The following GRM7 variants were observed in gnomAD, a reference collection of about 807,000 sequenced individuals.
GRM7 encodes the protein glutamate metabotropic receptor 7.
In GRM7, 35 loss-of-function variants were observed where a neutral mutation model predicts 84.5. That is an observed-to-expected ratio of 0.41 (90% confidence interval 0.32 to 0.55). The LOEUF (loss-of-function observed/expected upper bound fraction) is 0.55, where lower values mean the gene tolerates loss of function less well. GRM7 is among the 20% of genes least tolerant of loss of function. The pLI, the probability that GRM7 is intolerant of heterozygous loss-of-function variation, is 0.19. For synonymous variants in GRM7, 487 were observed against 455.1 expected, an observed-to-expected ratio of 1.07 and a Z score of -0.89; for missense variants, 1,003 against 1,194.6, an observed-to-expected ratio of 0.84 and a Z score of 2.36.
chr3:7,163,071 T>A (rs1161306239), intron 2 of GRM7, among the ~76,000 whole-genome samples: 2 of 151,990 alleles, frequency 1.3e-5, no homozygotes, highest in South Asian at 2.1e-4. Context: ...ACTCTTCTAG[T>A]TTTTTCTACT....
At chr3:7,038,332 C>G (rs1696458080) in intron 1 of GRM7, among the ~76,000 whole-genome samples, 1 of 152,160 alleles carries the variant, frequency 6.6e-6, no homozygotes, top group African/African-American at 2.4e-5. Flanking sequence ...TCTTAAGAAT[C>G]AGGATTCTTG....
At chr3:7,283,225 G>C (rs1435754957) in intron 2 of GRM7, among the ~76,000 whole-genome samples, 4 of 152,150 alleles carry the variant, frequency 2.6e-5, no homozygotes, top group Non-Finnish European at 5.9e-5. Context: ...GTGTGACTCA[G>C]AGAGAAAGGT....
At chr3:7,609,842 C>CT (rs1217110464) in intron 8 of GRM7, among the ~76,000 whole-genome samples, 2 of 152,066 alleles carry the variant, frequency 1.3e-5, no homozygotes, top group Admixed American at 1.3e-4. Flanking sequence ...ACAACCACTC[C>CT]TTTAAAGAAG....
Position 7,645,878 on chromosome 3 carries a change from C to A in GRM7, c.2452-34171C>A, listed in dbSNP as rs143461984. Among the ~76,000 whole-genome samples, 82 of 152,334 alleles carry A rather than the reference C, an allele frequency of 5.4e-4. 1 individual carries two copies. The highest frequency in any genetic ancestry group is 2.7e-3 in the East Asian group (14 of 5,172). On this transcript the variant is annotated intron_variant, in intron 8 of 9. Transcript: ENST00000357716. ...CTCCTGGGAGTACACTGAGACAGAA[C>A]TTATCACACCCAGTCCTTGCATAAA...
At chr3:7,593,290 C>A (rs1275466451) in intron 8 of GRM7, among the ~76,000 whole-genome samples, 1 of 152,022 alleles carries the variant, frequency 6.6e-6, no homozygotes, top group Non-Finnish European at 1.5e-5. Context: ...ATCCAGTTTG[C>A]GGGGTTTTGG....
chr3:7,497,513 T>C (rs1292662509), intron 7 of GRM7, among the ~76,000 whole-genome samples: 1 of 152,192 alleles, frequency 6.6e-6, no homozygotes, highest in African/African-American at 2.4e-5. Flanking sequence ...GATTTATTTA[T>C]TTTTTCTCTC....
intron 8 of GRM7, chr3:7,636,131 C>A (rs750361666): frequency 1.2e-4 from 52 of 424,410 alleles, no homozygotes; most frequent in Non-Finnish European, 2.3e-4. Context: ...AGAGGTTGTT[C>A]ATTTTGATGC....
chr3:7,062,334 G>T (rs1697459723), intron 1 of GRM7, among the ~76,000 whole-genome samples: 1 of 151,582 alleles, frequency 6.6e-6, no homozygotes, highest in Non-Finnish European at 1.5e-5. Context: ...CAATCGTAGT[G>T]TGTGGAACTG....
intron 6 of GRM7, among the ~76,000 whole-genome samples, chr3:7,453,392 C>A (rs578188899): frequency 6.6e-6 from 1 of 152,208 alleles, no homozygotes; most frequent in African/African-American, 2.4e-5. Context: ...GTGGCAAACC[C>A]TAGGTTGTTT....
chr3:7,220,688 T>C (rs1284825939), intron 2 of GRM7, among the ~76,000 whole-genome samples: 1 of 152,238 alleles, frequency 6.6e-6, no homozygotes, highest in Non-Finnish European at 1.5e-5. Context: ...AAGTGCTGCA[T>C]ATTAATTAAT....
At chr3:7,368,366 C>G (rs929551000) in intron 4 of GRM7, among the ~76,000 whole-genome samples, 1 of 152,024 alleles carries the variant, frequency 6.6e-6, no homozygotes, top group Non-Finnish European at 1.5e-5. Context: ...ATTTAAATGT[C>G]AAGTTTATTT....
chr3:7,179,884 A>G (rs1695280193), intron 2 of GRM7, among the ~76,000 whole-genome samples: 1 of 152,196 alleles, frequency 6.6e-6, no homozygotes, highest in African/African-American at 2.4e-5. Context: ...AATTTTACAC[A>G]AAAGTGAAAG....
chr3:7,618,005 A>C (rs1697182495), intron 8 of GRM7, among the ~76,000 whole-genome samples: 1 of 152,132 alleles, frequency 6.6e-6, no homozygotes, highest in South Asian at 2.1e-4. Flanking sequence ...TGTGCCTTAG[A>C]GTTTTCATAC....
At chr3:6,986,242 C>T (rs141355213) in intron 1 of GRM7, among the ~76,000 whole-genome samples, 18 of 152,224 alleles carry the variant, frequency 1.2e-4, no homozygotes, top group East Asian at 1.9e-4. Flanking sequence ...AAAACACAAA[C>T]GGACACAAGG....
intron 4 of GRM7, among the ~76,000 whole-genome samples, chr3:7,346,747 T>A (rs191481059): frequency 4.7e-4 from 71 of 152,276 alleles, no homozygotes; most frequent in African/African-American, 1.4e-3. Flanking sequence ...TACGTGTTTT[T>A]AAAAAATATT....
Position 7,278,032 on chromosome 3 carries a change from C to T in GRM7, c.737-20652C>T, listed in dbSNP as rs150388550. 3.9e-3 allele frequency among the ~76,000 whole-genome samples: 596 copies of T among 152,000 alleles called. 2 individuals carry two copies. The highest frequency in any genetic ancestry group is 5.8e-3 in the Non-Finnish European group (397 of 67,876). The stretch of plus-strand genomic sequence containing the variant: ...CTTTTCAATATTTGCTTTCCCATTG[C>T]GGTTGAATATTATATTAATTCTTAT... On this transcript the variant is annotated intron_variant, in intron 2 of 9. Transcript: ENST00000357716.
chr3:7,108,757 C>T (rs1049759586), intron 1 of GRM7, among the ~76,000 whole-genome samples: 1 of 152,034 alleles, frequency 6.6e-6, no homozygotes, highest in Non-Finnish European at 1.5e-5. Flanking sequence ...TAATAAATCA[C>T]ATAACATACA....
At chr3:7,390,261 C>G (rs1694939844) in intron 4 of GRM7, among the ~76,000 whole-genome samples, 1 of 151,984 alleles carries the variant, frequency 6.6e-6, no homozygotes, top group Admixed American at 6.6e-5. Context: ...GGTAACATGA[C>G]CATTTTCTCC....
intron 5 of GRM7, among the ~76,000 whole-genome samples, chr3:7,447,109 C>A (rs763377090): frequency 2.6e-5 from 4 of 151,998 alleles, no homozygotes; most frequent in Non-Finnish European, 5.9e-5. Context: ...GCTTTGCATA[C>A]TAGAGAGGTA....
Sources: gnomAD v4.1 joint callset for allele counts (sites outside exome capture counted in the v4.1 genomes callset) on GRCh38, gnomAD v4.1.1 for gene constraint, MANE v1.5 for transcripts, NCBI Gene and HGNC (gene_info 2026-07-23, HGNC 2026-07-21) for gene names.